BRSK2: variants seen among roughly 807,000 people sequenced by gnomAD.
BRSK2 encodes serine/threonine-protein kinase BRSK2.
BRSK2 carries 19 observed loss-of-function variants against 83.3 expected under a neutral mutation model. The observed-to-expected ratio is 0.23, with a 90% confidence interval of 0.16 to 0.33. BRSK2 has a LOEUF of 0.33. BRSK2 is among the 10% of genes least tolerant of loss of function. The pLI, the probability that BRSK2 is intolerant of heterozygous loss-of-function variation, is 1.00. For synonymous variants in BRSK2, 519 were observed against 435.4 expected (o/e 1.19, Z -2.39); for missense variants, 798 against 1,042.3 (o/e 0.77, Z 3.23).
chr11:1,439,736 CCACCTTCCCCTGCCCTGAGGGCTTCA>C lies in BRSK2; in HGVS notation c.273-1043_273-1018del, dbSNP rs1362553021. Among the ~76,000 whole-genome samples, 14 of 151,794 alleles carry C rather than the reference CCACCTTCCCCTGCCCTGAGGGCTTCA, an allele frequency of 9.2e-5. No homozygotes were observed. In the East Asian group the frequency reaches 1.9e-3, roughly 21 times the overall value. On this transcript the variant is annotated intron_variant, in intron 3 of 19. Coordinates refer to ENST00000528841, the MANE Select transcript of BRSK2 (RefSeq NM_001256627.2). ...GCCCAGAATCCCACCCTGGCCCCCACCACCTTCCCCTGCCCTGAGGGCTTCACACCTTCCTCTGCCCTGAGGGCTTC... is the reference window on the plus strand; with the variant it reads ...GCCCAGAATCCCACCCTGGCCCCCACCACCTTCCTCTGCCCTGAGGGCTTC...
At chr11:1,436,184 G>GGGGGGGGGGGGGGGGGGGGGGGGGGGGGT in intron 2 of BRSK2, 50 bp downstream of exon 2, 1 of 201,444 alleles carries the variant, frequency 5.0e-6, no homozygotes, top group Non-Finnish European at 1.0e-5. Flanking sequence ...GTGGGGCGGG[G>GGGGGGGGGGGGGGGGGGGGGGGGGGGGGT]AATAGCACAG....
At chr11:1,428,832 C>T (rs1849548969) in intron 1 of BRSK2, among the ~76,000 whole-genome samples, 1 of 151,352 alleles carries the variant, frequency 6.6e-6, no homozygotes, top group Non-Finnish European at 1.5e-5. Flanking sequence ...TGTGTACATG[C>T]ATGGGTGTGT....
At chr11:1,419,382 A>G (rs1025449688) in intron 1 of BRSK2, among the ~76,000 whole-genome samples, 1 of 152,210 alleles carries the variant, frequency 6.6e-6, no homozygotes, top group African/African-American at 2.4e-5. Context: ...GGCAGCTCCA[A>G]ATACTGAGCT....
In BRSK2 at chr11:1,461,128, G is replaced by A; in HGVS notation, c.*405G>A. 1.6e-6 allele frequency: 2 copies of A among 1,287,388 alleles called. No individual in the cohort carries two copies. Among genetic ancestry groups the A allele is most frequent in the Non-Finnish European group, 2.1e-6 (2 of 939,316 alleles). 79.7% of individuals were successfully genotyped at this position (1,287,388 alleles called of 1,614,324 possible). On this transcript the variant is annotated 3_prime_UTR_variant, in exon 20 of 20. Transcript: ENST00000528841. ...CACCCCGCGGCAGCTCCTCGCCTCA[G>A]CTCCGCACGGCCCGTGGGAGGAAGG...
chr11:1,408,779 T>G (rs1364789921), intron 1 of BRSK2, among the ~76,000 whole-genome samples: 9 of 111,994 alleles, frequency 8.0e-5, no homozygotes, highest in South Asian at 3.9e-4. Flanking sequence ...GTGTGTGTGT[T>G]TGGCTGTGCA....
At chr11:1,395,306 G>A (rs1846000470) in intron 1 of BRSK2, among the ~76,000 whole-genome samples, 1 of 152,202 alleles carries the variant, frequency 6.6e-6, no homozygotes, top group Non-Finnish European at 1.5e-5. Flanking sequence ...AGCATGGTGG[G>A]TAGCCCTCCC....
rs755637455 is a variant in BRSK2 at position 1,460,698 on chromosome 11, C to T, written c.2186C>T (p.Pro729Leu). ...AAGGACACGGCCAAGATGGGCCCGC[C>T]CACCGCCCGCCGCGAGCAGCCTTAG... ...TGKDTAKMGP[P>L]TARREQP Residue 729 changes from proline (P) to leucine (L), a missense_variant, in exon 20 of 20, where the codon CCC becomes CTC. Coordinates refer to ENST00000528841, the MANE Select transcript of BRSK2 (RefSeq NM_001256627.2). 1.3e-6 allele frequency: 2 copies of T among 1,484,160 alleles called. No homozygotes were observed. The highest frequency in any genetic ancestry group is 1.2e-5 in the South Asian group (1 of 80,642). 91.9% of individuals were successfully genotyped at this position (1,484,160 alleles called of 1,614,324 possible). A position where few individuals can be genotyped will look rare whatever the true frequency, so the allele number is the denominator to read the frequency against.
intron 17 of BRSK2, 21 bp from the exon 18 acceptor site, chr11:1,456,577 A>C: frequency 6.2e-7 from 1 of 1,608,760 alleles, no homozygotes; most frequent in Non-Finnish European, 8.5e-7. Flanking sequence ...CGTCCAGGGC[A>C]TAACCCCCTG....
rs568275862 is a variant in BRSK2, at chr11:1,423,982, G to C, written c.92-12058G>C. On this transcript the variant is annotated intron_variant, in intron 1 of 19. Transcript: ENST00000528841. The surrounding 1 kb of genome is among the most constrained non-coding windows in gnomAD (Gnocchi z 6.5). ...TTCTCTGATAGGAAGGCTGGTAGTT[G>C]GGTTTAGTGTCCACCCCAAATCTGG... Among the ~76,000 whole-genome samples the C allele has an allele frequency of 1.5e-4, 23 of 152,260 alleles. No individual in the cohort carries two copies. The East Asian group carries it at 4.4e-3, about 29-fold the overall frequency.
chr11:1,461,293 C>T lies in BRSK2; in HGVS notation c.*570C>T. The stretch of plus-strand genomic sequence containing the variant: ...CGTAGCCACAGGAACAGGCCCCGTC[C>T]ACCGCCTCCACGCCGCACCTGGAGG... On this transcript the variant is annotated 3_prime_UTR_variant, in exon 20 of 20. Coordinates refer to ENST00000528841, the MANE Select transcript of BRSK2 (RefSeq NM_001256627.2). The T allele has an allele frequency of 6.4e-6, 3 of 471,446 alleles. No individual in the cohort carries two copies. The South Asian group carries it at 7.3e-5, about 11-fold the overall frequency. 29.2% of individuals were successfully genotyped at this position (471,446 alleles called of 1,614,324 possible).
At chr11:1,403,001 G>C (rs1320870861) in intron 1 of BRSK2, among the ~76,000 whole-genome samples, 1 of 152,146 alleles carries the variant, frequency 6.6e-6, no homozygotes, top group Non-Finnish European at 1.5e-5. Flanking sequence ...GCCGCCGAGG[G>C]CGTTTGCAGA....
At position 1,428,647 on chromosome 11, in the gene BRSK2, C is replaced by T. The variant is rs534596081; in HGVS notation, c.92-7393C>T. Reference sequence around the variant, plus strand: ...CCCATTTTCAGTCCCCACTTTCTTTCCTTTTCTGGAGGCAGGATTGTGCTC... The same window carrying T: ...CCCATTTTCAGTCCCCACTTTCTTTTCTTTTCTGGAGGCAGGATTGTGCTC... On this transcript the variant is annotated intron_variant, in intron 1 of 19. Coordinates refer to ENST00000528841, the MANE Select transcript of BRSK2 (RefSeq NM_001256627.2). Among the ~76,000 whole-genome samples, 1,165 of 152,326 alleles carry T rather than the reference C, an allele frequency of 7.6e-3. 4 individuals are homozygous for T. Among genetic ancestry groups the T allele is most frequent in the Non-Finnish European group, 0.012 (832 of 68,024 alleles).
intron 15 of BRSK2, among the ~76,000 whole-genome samples, chr11:1,451,852 G>C (rs752827469): frequency 6.6e-6 from 1 of 152,146 alleles, no homozygotes; most frequent in Non-Finnish European, 1.5e-5. Context: ...GTCTGGCCCC[G>C]CCGCCTTTCT....
At chr11:1,457,889 G>T (rs1312467242) in intron 18 of BRSK2, among the ~76,000 whole-genome samples, 2 of 152,172 alleles carry the variant, frequency 1.3e-5, no homozygotes, top group Non-Finnish European at 2.9e-5. Flanking sequence ...GTGGGTGGAG[G>T]AGTAGCCCCC....
intron 12 of BRSK2, among the ~76,000 whole-genome samples, chr11:1,449,503 G>T (rs945424550): frequency 6.6e-6 from 1 of 152,182 alleles, no homozygotes; most frequent in Admixed American, 6.5e-5. Flanking sequence ...CTTTGCCGCG[G>T]CTGTCTGATG....
intron 15 of BRSK2, among the ~76,000 whole-genome samples, chr11:1,451,758 G>A (rs1845846395): frequency 6.6e-6 from 1 of 152,212 alleles, no homozygotes; most frequent in Non-Finnish European, 1.5e-5. Flanking sequence ...GTCTCAAGGA[G>A]AAAGCAGCCC....
At chr11:1,450,522 G>C in intron 13 of BRSK2, 65 bp from the exon 14 acceptor site, 2 of 780,676 alleles carry the variant, frequency 2.6e-6, no homozygotes, top group Non-Finnish European at 4.1e-6. Context: ...CCTGCCCTGC[G>C]GGTGCCCCCC....
At chr11:1,422,329 C>G (rs1339412595) in intron 1 of BRSK2, among the ~76,000 whole-genome samples, 2 of 152,272 alleles carry the variant, frequency 1.3e-5, no homozygotes, top group Non-Finnish European at 2.9e-5. Context: ...AGCCGCTCCT[C>G]CACCCTGTCT....
At chr11:1,415,525 C>T (rs948010559) in intron 1 of BRSK2, among the ~76,000 whole-genome samples, 1 of 152,214 alleles carries the variant, frequency 6.6e-6, no homozygotes, top group African/African-American at 2.4e-5. Context: ...GCTAAGATTA[C>T]AGGCTTGAGC....
Sources: gnomAD v4.1 joint callset for allele counts (sites outside exome capture counted in the v4.1 genomes callset) on GRCh38, gnomAD v4.1.1 for gene constraint, Gnocchi (gnomAD v3.1) non-coding constraint, MANE v1.5 for transcripts, NCBI Gene and HGNC (gene_info 2026-07-23, HGNC 2026-07-21) for gene names.